LIMCH1: variants seen among roughly 807,000 people sequenced by gnomAD.
LIMCH1 encodes the protein LIM and calponin homology domains 1.
Under a neutral mutation model 176.5 loss-of-function variants are expected in LIMCH1, and 113 were observed. The observed-to-expected ratio is 0.64, with a 90% CI of 0.55 to 0.75. LIMCH1 has a LOEUF of 0.75. Among genes scored for constraint, LIMCH1 ranks in the 30% least tolerant of loss-of-function variants. The pLI is 0.00. For missense variants in LIMCH1, 1,674 were observed against 1,814.9 expected (o/e 0.92, Z 1.41); for synonymous variants, 619 against 645.9 (o/e 0.96, Z 0.63).
intron 18 of LIMCH1, 45 bp from the exon 19 acceptor site, chr4:41,661,375 T>C: frequency 1.5e-6 from 2 of 1,371,464 alleles, no homozygotes; most frequent in Non-Finnish European, 2.1e-6. Flanking sequence ...TTTAGAACTT[T>C]TAAAGGAATC....
In LIMCH1 at chr4:41,679,917, A is replaced by G. The variant is rs538595628; in HGVS notation, c.3520-89A>G. 7.2e-4 allele frequency: 521 copies of G among 727,624 alleles called. 11 individuals are homozygous for G. In the South Asian group the frequency reaches 7.9e-3, roughly 11 times the overall value. The allele number at this position is 727,624 out of a possible 1,614,324, so 45.1% of individuals were successfully genotyped here. A position where few individuals can be genotyped will look rare whatever the true frequency, so the allele number is the denominator to read the frequency against. On this transcript the variant is annotated intron_variant, in intron 23 of 31. Transcript: ENST00000503057. The stretch of plus-strand genomic sequence containing the variant: ...CTAACAAGAAGAAGATAATCTTGCA[A>G]CATATTGTACATGGTGGTTTAGGGG...
intron 1 of LIMCH1, among the ~76,000 whole-genome samples, chr4:41,479,471 C>T (rs2068240323): frequency 6.6e-6 from 1 of 152,118 alleles, no homozygotes; most frequent in South Asian, 2.1e-4. Context: ...CCAGGCTCGT[C>T]GAATTCTTGG....
At chr4:41,466,340 G>A (rs1247003541) in intron 1 of LIMCH1, among the ~76,000 whole-genome samples, 1 of 152,150 alleles carries the variant, frequency 6.6e-6, no homozygotes, top group Non-Finnish European at 1.5e-5. Flanking sequence ...AAATTAACTG[G>A]GAAGCTTCCT....
chr4:41,644,656 G>C (rs778094789), intron 15 of LIMCH1, 30 bp downstream of exon 15: 9 of 1,587,804 alleles, frequency 5.7e-6, no homozygotes, highest in South Asian at 2.3e-5. Context: ...CGCGGGCAGC[G>C]GGGAGGCTTC....
At chr4:41,387,976 G>T (rs1376212159) in intron 1 of LIMCH1, among the ~76,000 whole-genome samples, 2 of 152,114 alleles carry the variant, frequency 1.3e-5, no homozygotes, top group Non-Finnish European at 2.9e-5. Flanking sequence ...CGGGTGTGGT[G>T]GTGCATGCCT....
At chr4:41,682,885 C>T (rs1187475501) in intron 26 of LIMCH1, among the ~76,000 whole-genome samples, 1 of 152,102 alleles carries the variant, frequency 6.6e-6, no homozygotes, top group Non-Finnish European at 1.5e-5. Context: ...TCATGTTGGT[C>T]AGGCTGGTCT....
chr4:41,560,892 C>G (rs972906529), intron 1 of LIMCH1, among the ~76,000 whole-genome samples: 1 of 152,040 alleles, frequency 6.6e-6, no homozygotes, highest in Non-Finnish European at 1.5e-5. Flanking sequence ...GTGCGCTTCC[C>G]CATAGTCCCA....
At chr4:41,600,929 G>A (rs74987880) in intron 2 of LIMCH1, among the ~76,000 whole-genome samples, 5,206 of 152,180 alleles carry the variant, frequency 0.034, 129 homozygotes, top group Middle Eastern at 0.054. Context: ...TGATTTTTCC[G>A]TCTTTTTTTC....
At chr4:41,412,305 C>T (rs2059566592) in intron 1 of LIMCH1, among the ~76,000 whole-genome samples, 1 of 152,092 alleles carries the variant, frequency 6.6e-6, no homozygotes, top group Admixed American at 6.6e-5. Flanking sequence ...TTAGAGGATA[C>T]TAAGACATGG....
intron 14 of LIMCH1, among the ~76,000 whole-genome samples, chr4:41,644,108 C>T (rs1169415854): frequency 2.0e-5 from 3 of 152,202 alleles, no homozygotes; most frequent in African/African-American, 7.2e-5. Context: ...ACAAATTCTA[C>T]CCAGGTTATA....
intron 1 of LIMCH1, among the ~76,000 whole-genome samples, chr4:41,439,864 A>G (rs552277112): frequency 5.3e-5 from 8 of 152,128 alleles, no homozygotes; most frequent in Non-Finnish European, 1.0e-4. Flanking sequence ...AGATCATGCC[A>G]TTGTAGTCCA....
chr4:41,467,151 G>GTATATA lies in LIMCH1; in HGVS notation c.97-27382_97-27377dup, dbSNP rs147016551. Reference sequence around the variant, plus strand: ...AATATTCCCATATATATATGTGTATGTATATATACACACACACACACACAC... The same window carrying GTATATA: ...AATATTCCCATATATATATGTGTATGTATATATATATATACACACACACACACACAC... On this transcript the variant is annotated intron_variant, in intron 1 of 26. Transcript: ENST00000313860. 8.2e-4 allele frequency among the ~76,000 whole-genome samples: 50 copies of GTATATA among 60,790 alleles called. 1 individual carries two copies. The highest frequency in any genetic ancestry group is 6.8e-3 in the African/African-American group (47 of 6,874). The allele number at this position is 60,790 out of a possible 152,430, so 39.9% of individuals were successfully genotyped here.
intron 7 of LIMCH1, among the ~76,000 whole-genome samples, chr4:41,626,046 G>C (rs1585019627): frequency 2.0e-5 from 3 of 152,244 alleles, no homozygotes; most frequent in Admixed American, 6.5e-5. Context: ...GAGAGGTGGA[G>C]AGACAGGAGG....
intron 14 of LIMCH1, among the ~76,000 whole-genome samples, chr4:41,640,892 C>G (rs1414226669): frequency 6.6e-6 from 1 of 152,122 alleles, no homozygotes; most frequent in Admixed American, 6.5e-5. Flanking sequence ...TTTCCACCTC[C>G]TAACCAGCCA....
chr4:41,480,022 T>A (rs574386304), intron 1 of LIMCH1, among the ~76,000 whole-genome samples: 9 of 152,240 alleles, frequency 5.9e-5, no homozygotes, highest in African/African-American at 1.9e-4. Context: ...TGGATTTTCT[T>A]CTCCTTAAAT....
At chr4:41,541,910 C>G (rs2078709578) in intron 1 of LIMCH1, among the ~76,000 whole-genome samples, 1 of 152,144 alleles carries the variant, frequency 6.6e-6, no homozygotes, top group South Asian at 2.1e-4. Context: ...CTGCAAATAC[C>G]ATAAAGGACA....
At chr4:41,388,218 A>G (rs2056749249) in intron 1 of LIMCH1, among the ~76,000 whole-genome samples, 2 of 152,252 alleles carry the variant, frequency 1.3e-5, no homozygotes, top group East Asian at 1.9e-4. Flanking sequence ...TCCTAGAAGC[A>G]TTATTCATAA....
intron 3 of LIMCH1, among the ~76,000 whole-genome samples, chr4:41,531,100 C>G (rs1422527560): frequency 6.6e-6 from 1 of 152,046 alleles, no homozygotes; most frequent in Non-Finnish European, 1.5e-5. Flanking sequence ...TGTGCCTTTT[C>G]TACTGTGTTA....
chr4:41,599,181 TGACTTTCCCTCTGTGCATAGC>T (rs748459799), intron 2 of LIMCH1, 155 bp downstream of exon 2: 14 of 571,030 alleles, frequency 2.5e-5, no homozygotes, highest in Non-Finnish European at 4.5e-5. Flanking sequence ...CAACTCACAT[TGACTTTCCCTCTGTGCATAGC>T]TTTCATTCTG....
Sources: allele counts gnomAD v4.1 joint callset (sites outside exome capture counted in the v4.1 genomes callset), GRCh38; gene constraint gnomAD v4.1.1; transcripts MANE v1.5; gene names NCBI Gene and HGNC (gene_info 2026-07-23, HGNC 2026-07-21).